Variants in MYO3A observed in about 807,000 individuals in gnomAD.
MYO3A encodes the protein myosin-IIIa.
In MYO3A, 180 loss-of-function variants were observed where a neutral mutation model predicts 192.7. That is an observed-to-expected ratio of 0.93 (90% CI 0.83 to 1.06). The LOEUF (loss-of-function observed/expected upper bound fraction) is 1.06, where lower values mean the gene tolerates loss of function less well. Ranked by LOEUF, MYO3A falls within the 50% of genes least tolerant of loss-of-function variation. The pLI is 0.00. For missense variants in MYO3A, 1,896 were observed against 1,905.0 expected, an observed-to-expected ratio of 1.00 and a Z score of 0.09; for synonymous variants, 628 against 645.3, an observed-to-expected ratio of 0.97 and a Z score of 0.41.
intron 14 of MYO3A, 105 bp from the exon 15 acceptor site, chr10:26,088,098 T>C (rs1052822327): frequency 8.9e-6 from 8 of 901,428 alleles, no homozygotes; most frequent in African/African-American, 1.7e-5. Flanking sequence ...AACATGCTTT[T>C]GTATGTTTAT....
intron 31 of MYO3A, among the ~76,000 whole-genome samples, chr10:26,177,956 G>T (rs1842413019): frequency 6.6e-6 from 1 of 152,252 alleles, no homozygotes; most frequent in Admixed American, 6.5e-5. Flanking sequence ...CAGTGAAGCT[G>T]ACCACAAATG....
chr10:26,078,564 T>G (rs74593231), intron 14 of MYO3A, among the ~76,000 whole-genome samples: 15,621 of 152,044 alleles, frequency 0.1, 872 homozygotes, highest in Non-Finnish European at 0.12. Context: ...GGGTTTGGTT[T>G]GTTCTTGTTT....
intron 6 of MYO3A, among the ~76,000 whole-genome samples, chr10:26,011,419 A>T (rs1468463806): frequency 2.6e-5 from 4 of 152,022 alleles, no homozygotes; most frequent in African/African-American, 4.8e-5. Context: ...GGGCGATGGA[A>T]GTGAGACCAT....
At chr10:25,957,053 AC>A (rs1461190124) in intron 4 of MYO3A, among the ~76,000 whole-genome samples, 3 of 152,184 alleles carry the variant, frequency 2.0e-5, no homozygotes, top group Admixed American at 2.0e-4. Flanking sequence ...CCTGCAAAGG[AC>A]ATGATCTCAG....
At chr10:26,123,115 AAG>A (rs1406764198) in intron 18 of MYO3A, among the ~76,000 whole-genome samples, 2 of 152,222 alleles carry the variant, frequency 1.3e-5, no homozygotes, top group African/African-American at 4.8e-5. Flanking sequence ...AAAAAATCAT[AAG>A]AGAGACTGGA....
intron 2 of MYO3A, among the ~76,000 whole-genome samples, chr10:25,949,492 T>C (rs1329190671): frequency 2.0e-5 from 3 of 152,110 alleles, no homozygotes; most frequent in Non-Finnish European, 2.9e-5. Flanking sequence ...CTCAAGTAGA[T>C]GTAAGAAGTA....
Position 25,952,301 on chromosome 10 carries a change from A to G in MYO3A, c.168+23A>G, listed in dbSNP as rs757479052. 18 of 1,603,914 alleles carry G rather than the reference A, an allele frequency of 1.1e-5. No homozygotes were observed. The East Asian group carries it at 2.7e-4, about 24-fold the overall frequency. On this transcript the variant is annotated intron_variant, in intron 3 of 34. Transcript: ENST00000642920. ...CACGTAAGTCATATTTTTTCCTTCT[A>G]ATTAGCTTTATTTTTATCTGTATGA...
At chr10:26,026,048 T>C (rs556337647) in intron 9 of MYO3A, among the ~76,000 whole-genome samples, 1 of 152,210 alleles carries the variant, frequency 6.6e-6, no homozygotes, top group Non-Finnish European at 1.5e-5. Flanking sequence ...GCTACTGACT[T>C]GTAAAGGAGA....
intron 4 of MYO3A, among the ~76,000 whole-genome samples, 193 bp from the exon 5 acceptor site, chr10:25,996,297 G>T (rs183907719): frequency 4.9e-4 from 75 of 152,254 alleles, no homozygotes; most frequent in African/African-American, 1.8e-3. Flanking sequence ...TGTGAAAATT[G>T]TGTTCTAGGA....
At chr10:26,029,693 A>C (rs1384960702) in intron 10 of MYO3A, among the ~76,000 whole-genome samples, 1 of 152,086 alleles carries the variant, frequency 6.6e-6, no homozygotes, top group Non-Finnish European at 1.5e-5. Context: ...TTTTGGGGGA[A>C]TGTAATTCCG....
At chr10:25,982,880 C>T (rs200309605) in intron 4 of MYO3A, among the ~76,000 whole-genome samples, 2 of 152,004 alleles carry the variant, frequency 1.3e-5, no homozygotes, top group East Asian at 3.9e-4. Context: ...TACGACAAAA[C>T]AAGATTCTTT....
At chr10:26,198,794 T>A (rs1405889359) in intron 32 of MYO3A, among the ~76,000 whole-genome samples, 1 of 152,150 alleles carries the variant, frequency 6.6e-6, no homozygotes, top group East Asian at 1.9e-4. Flanking sequence ...AGCCAGAAAA[T>A]CTACGTGAGT....
intron 31 of MYO3A, among the ~76,000 whole-genome samples, chr10:26,181,145 T>C (rs1842601914): frequency 6.6e-6 from 1 of 152,160 alleles, no homozygotes. Context: ...AAGAAATGGA[T>C]GGATAATGCT....
At chr10:26,073,187 G>A (rs987306647) in intron 14 of MYO3A, among the ~76,000 whole-genome samples, 22 of 152,274 alleles carry the variant, frequency 1.4e-4, no homozygotes, top group Middle Eastern at 3.4e-3. Context: ...TGGCACCACC[G>A]CACTCCAGCC....
In MYO3A at chr10:26,016,810, C is replaced by T. The variant is rs1478336971; in HGVS notation, c.509-10C>T. 7.4e-6 allele frequency: 12 copies of T among 1,613,680 alleles called. No individual in the cohort carries two copies. Among genetic ancestry groups the T allele is most frequent in the Non-Finnish European group, 1.0e-5 (12 of 1,179,678 alleles). ...TAATGCAAAAAAGTACATCTTGTCT[C>T]TTCCTCTAGGTGTGTCTGCACAGCT... On this transcript the variant is annotated splice_polypyrimidine_tract_variant and intron_variant, in intron 6 of 34. Coordinates refer to ENST00000642920, the MANE Select transcript of MYO3A (RefSeq NM_017433.5).
At chr10:26,056,422 C>G (rs528046580) in intron 10 of MYO3A, among the ~76,000 whole-genome samples, 13 of 152,262 alleles carry the variant, frequency 8.5e-5, no homozygotes, top group African/African-American at 3.1e-4. Context: ...GCAACAATGA[C>G]TGAGAATTTT....
intron 10 of MYO3A, among the ~76,000 whole-genome samples, chr10:26,065,605 A>AC (rs59643061): frequency 4.2e-5 from 5 of 118,766 alleles, no homozygotes; most frequent in South Asian, 2.6e-4. Context: ...AAAAAAAAAA[A>AC]AAAAAAAAGT....
At chr10:26,105,075 C>T (rs897370038) in intron 17 of MYO3A, among the ~76,000 whole-genome samples, 2 of 152,040 alleles carry the variant, frequency 1.3e-5, no homozygotes, top group Non-Finnish European at 2.9e-5. Flanking sequence ...GTATAATGTT[C>T]CACAGTGTGT....
At chr10:26,191,212 A>G (rs899038597) in intron 31 of MYO3A, among the ~76,000 whole-genome samples, 8 of 152,250 alleles carry the variant, frequency 5.3e-5, no homozygotes, top group African/African-American at 1.9e-4. Context: ...TGCAAGAGCC[A>G]ATAGAAGCTA....
Sources: gnomAD v4.1 joint callset for allele counts (sites outside exome capture counted in the v4.1 genomes callset) on GRCh38, gnomAD v4.1.1 for gene constraint, MANE v1.5 for transcripts, NCBI Gene and HGNC (gene_info 2026-07-23, HGNC 2026-07-21) for gene names.